The following KCNC4 variants were observed in gnomAD, a reference collection of about 807,000 sequenced individuals.
KCNC4 encodes potassium voltage-gated channel subfamily C member 4, also known as voltage-gated potassium channel KCNC4.
KCNC4 carries 23 observed loss-of-function variants against 42.8 expected under a neutral mutation model. The observed-to-expected ratio is 0.54, with a 90% CI of 0.39 to 0.76. The LOEUF is 0.76. KCNC4 is among the 30% of genes least tolerant of loss of function. The pLI is 0.00. For missense variants in KCNC4, 751 were observed against 898.2 expected (o/e 0.84, Z 2.10); for synonymous variants, 422 against 393.5 (o/e 1.07, Z -0.86).
intron 1 of KCNC4, among the ~76,000 whole-genome samples, chr1:110,268,345 C>T (rs540114434): frequency 4.3e-4 from 66 of 152,304 alleles, no homozygotes; most frequent in East Asian, 2.9e-3. Context: ...CCGTGGCTCA[C>T]GCCTGTAATC....
rs986000346 is a variant in KCNC4, at chr1:110,210,458, G to A, written c.-1042G>A. Among the ~76,000 whole-genome samples the A allele has an allele frequency of 6.6e-6, 1 of 151,452 alleles. No homozygotes were observed. The highest frequency in any genetic ancestry group is 1.9e-4 in the East Asian group (1 of 5,152). ...GCGAGCCAAGGCCGGCGCCCCGCCC[G>A]GAGATGGGCAGACGCGTAGATGGCG... is the stretch of plus-strand genomic sequence containing the variant. On this transcript the variant is annotated 5_prime_UTR_variant, in exon 1 of 4. Coordinates refer to ENST00000438661, the MANE Select transcript of KCNC4 (RefSeq NM_001039574.3).
exon 4 of KCNC4, chr1:110,245,893 G>T (rs1053792434): frequency 6.6e-6 from 1 of 152,190 alleles, no homozygotes; most frequent in Non-Finnish European, 1.5e-5. Flanking sequence ...TTGGCTCTTT[G>T]TACTATCTGT....
At chr1:110,218,099 C>T (rs1297882677) in intron 1 of KCNC4, among the ~76,000 whole-genome samples, 1 of 152,128 alleles carries the variant, frequency 6.6e-6, no homozygotes, top group Non-Finnish European at 1.5e-5. Flanking sequence ...CCATCTGTCT[C>T]CCTGGCCCTT....
In KCNC4 at chr1:110,223,309, G is replaced by A. The variant is rs765248480; in HGVS notation, c.1024G>A (p.Val342Met). 1.8e-5 allele frequency: 29 copies of A among 1,614,006 alleles called. No individual in the cohort carries two copies. In the South Asian group the frequency reaches 2.1e-4, roughly 12 times the overall value. ...SGLSSKAARD[V>M]LGFLRVVRFV... ...CCTGTCATCCAAGGCGGCCCGCGAC[G>A]TGCTGGGCTTCCTGCGCGTGGTGCG... Residue 342 changes from valine to methionine, a missense_variant, in exon 2 of 4, where the codon GTG becomes ATG. Val to Met is a conservative substitution (Grantham distance 21). Coordinates refer to ENST00000438661, the MANE Select transcript of KCNC4 (RefSeq NM_001039574.3). This position sits in a 1 kb window ranked among gnomAD's most constrained non-coding sequence, Gnocchi z 7.5.
intron 3 of KCNC4, chr1:110,232,182 C>T: frequency 1.2e-6 from 2 of 1,604,818 alleles, no homozygotes; most frequent in Non-Finnish European, 1.7e-6. Flanking sequence ...TTGGGTTTCT[C>T]AATAAGGTAC....
At chr1:110,229,141 C>G (rs935590899) in intron 3 of KCNC4, 1 of 152,300 alleles carries the variant, frequency 6.6e-6, no homozygotes, top group Middle Eastern at 3.3e-3. Context: ...AACCAGTAGC[C>G]GAACAGCCTG....
chr1:110,244,834 G>C (rs1294966205), exon 4 of KCNC4: 16 of 152,304 alleles, frequency 1.1e-4, no homozygotes, highest in Non-Finnish European at 5.9e-5. Flanking sequence ...TTCCACCATG[G>C]GCCGTGCAGT....
intron 1 of KCNC4, among the ~76,000 whole-genome samples, chr1:110,266,824 T>C (rs540900734): frequency 6.6e-6 from 1 of 152,296 alleles, no homozygotes; most frequent in South Asian, 2.1e-4. Context: ...AAAGTCTGTG[T>C]TCCCCGGACC....
intron 1 of KCNC4, among the ~76,000 whole-genome samples, chr1:110,260,239 A>G (rs1327471598): frequency 6.6e-6 from 1 of 152,200 alleles, no homozygotes; most frequent in Admixed American, 6.5e-5. Context: ...CAAACCATTT[A>G]GGGCATAAGG....
At chr1:110,263,770 G>A (rs966830168) in intron 1 of KCNC4, among the ~76,000 whole-genome samples, 2 of 148,248 alleles carry the variant, frequency 1.3e-5, no homozygotes, top group African/African-American at 4.9e-5. Context: ...AGGCCTGGAA[G>A]GCAACCAGCC....
chr1:110,226,091 A>G lies in KCNC4; in HGVS notation c.1732A>G (p.Thr578Ala). 1 of 1,613,908 alleles carries G rather than the reference A, an allele frequency of 6.2e-7. No homozygotes were observed. The highest frequency in any genetic ancestry group is 8.5e-7 in the Non-Finnish European group (1 of 1,179,952). ...PEERRALRRS[T>A]TRDRNKKAAA... The stretch of plus-strand genomic sequence containing the variant: ...GGAGCGCCGGGCCCTGCGACGCTCC[A>G]CCACTCGAGACAGAAACAAGAAGGC... Residue 578 changes from threonine (T) to alanine (A), a missense_variant, in exon 3 of 4, where the codon ACC (threonine) becomes GCC (alanine). Physicochemically the swap from Thr to Ala is moderately conservative, Grantham distance 58 (BLOSUM62 0). This residue lies in a region of KCNC4 where 202 missense variants were observed against 181.5 expected (regional missense o/e 1.11). Transcript: ENST00000438661.
chr1:110,215,521 T>A (rs1274783342), intron 1 of KCNC4, among the ~76,000 whole-genome samples: 3 of 152,236 alleles, frequency 2.0e-5, no homozygotes, highest in African/African-American at 7.2e-5. Flanking sequence ...AGGGCAGGGC[T>A]GGCTTTAGCT....
chr1:110,213,808 A>T (rs1657634507), intron 1 of KCNC4, among the ~76,000 whole-genome samples: 1 of 152,140 alleles, frequency 6.6e-6, no homozygotes, highest in South Asian at 2.1e-4. Context: ...TGTCTGCATT[A>T]GGGGAGAGAG....
chr1:110,279,435 G>T (rs1432523255), intron 1 of KCNC4, among the ~76,000 whole-genome samples: 1 of 152,142 alleles, frequency 6.6e-6, no homozygotes, highest in African/African-American at 2.4e-5. Context: ...GTATACACAG[G>T]AGAGACCCAA....
At chr1:110,275,954 CAAA>C (rs61372696) in intron 1 of KCNC4, among the ~76,000 whole-genome samples, 1 of 106,230 alleles carries the variant, frequency 9.4e-6, no homozygotes, top group Admixed American at 1.0e-4. Context: ...GACTCCGCCT[CAAA>C]AAAAAAAAAA....
At chr1:110,256,797 T>C (rs576483272) in intron 1 of KCNC4, 85 of 156,678 alleles carry the variant, frequency 5.4e-4, no homozygotes, top group Non-Finnish European at 1.1e-3. Flanking sequence ...TCCAACTGTG[T>C]GGTCCAGGAA....
intron 1 of KCNC4, among the ~76,000 whole-genome samples, chr1:110,263,346 G>T (rs866780723): frequency 1.3e-5 from 2 of 150,064 alleles, no homozygotes; most frequent in African/African-American, 4.9e-5. Flanking sequence ...GAATTTAAGG[G>T]TTTTTTTTTT....
chr1:110,248,993 G>C (rs1659204421), exon 4 of KCNC4: 1 of 152,244 alleles, frequency 6.6e-6, no homozygotes, highest in East Asian at 1.9e-4. Flanking sequence ...GTGATCCCAA[G>C]GGAATGCTGG....
At chr1:110,282,450 T>C (rs1237216325) in intron 1 of KCNC4, 1 of 152,272 alleles carries the variant, frequency 6.6e-6, no homozygotes, top group Non-Finnish European at 1.5e-5. Flanking sequence ...AGAGCTTTTC[T>C]GTTTTTCCTC....
Sources: allele counts gnomAD v4.1 joint callset (sites outside exome capture counted in the v4.1 genomes callset), GRCh38; gene constraint gnomAD v4.1.1; regional missense constraint gnomAD v4.1.1; non-coding constraint Gnocchi (gnomAD v3.1); transcripts MANE v1.5; gene names NCBI Gene and HGNC (gene_info 2026-07-23, HGNC 2026-07-21).